The following REXO5 variants were observed in gnomAD, a reference collection of about 807,000 sequenced individuals.
REXO5 encodes exonuclease NEF-sp.
REXO5 carries 48 observed loss-of-function variants against 88.5 expected under a neutral mutation model. The observed-to-expected ratio is 0.54, with a 90% CI of 0.43 to 0.69. The LOEUF is 0.69. Ranked by LOEUF, REXO5 falls within the 30% of genes least tolerant of loss-of-function variation. The pLI, the probability that REXO5 is intolerant of heterozygous loss-of-function variation, is 0.00. For synonymous variants in REXO5, 311 were observed against 336.5 expected (o/e 0.92, Z 0.83); for missense variants, 749 against 912.2 (o/e 0.82, Z 2.30).
chr16:20,813,802 T>C (rs2081040052), intron 3 of REXO5, among the ~76,000 whole-genome samples: 2 of 152,172 alleles, frequency 1.3e-5, no homozygotes, highest in Admixed American at 6.5e-5. Flanking sequence ...CTCACAGTTA[T>C]AATCCCAGCA....
chr16:20,840,734 G>A (rs1397362446), intron 15 of REXO5, among the ~76,000 whole-genome samples: 3 of 152,140 alleles, frequency 2.0e-5, no homozygotes, highest in African/African-American at 7.2e-5. Flanking sequence ...TTGGGAGTTT[G>A]AGGAGGGAGG....
At chr16:20,806,495 G>A (rs796749258), upstream of REXO5, 4 of 1,546,434 alleles carry the variant, frequency 2.6e-6, no homozygotes, top group African/African-American at 5.5e-5. Context: ...CTTCCGGTCC[G>A]TTCAAAAAGC....
At position 20,810,067 on chromosome 16, in the gene REXO5, T is replaced by A. The variant is rs1365170080; in HGVS notation, c.138+2976T>A. Among the ~76,000 whole-genome samples the A allele has an allele frequency of 2.6e-5, 4 of 152,372 alleles. No homozygotes were observed. The East Asian group carries it at 7.7e-4, about 29-fold the overall frequency. On this transcript the variant is annotated intron_variant, in intron 2 of 19. Transcript: ENST00000261377. ...CATCATTCTTTGAGCATGTCATTAC[T>A]TTCTGGCACAAGAAGATATTCCAGG...
intron 5 of REXO5, 151 bp downstream of exon 5, chr16:20,816,363 AC>A (rs1567385495): frequency 6.5e-6 from 4 of 616,674 alleles, no homozygotes; most frequent in Non-Finnish European, 1.1e-5. Context: ...CACTCTTGTC[AC>A]CCAGGTGTGA....
chr16:20,826,811 T>G (rs1434626873), intron 8 of REXO5, among the ~76,000 whole-genome samples: 1 of 152,164 alleles, frequency 6.6e-6, no homozygotes, highest in Non-Finnish European at 1.5e-5. Flanking sequence ...TGATTACATT[T>G]TTATAAAAAT....
chr16:20,843,821 A>G, intron 15 of REXO5, 113 bp from the exon 16 acceptor site: 2 of 665,884 alleles, frequency 3.0e-6, no homozygotes, highest in Non-Finnish European at 5.3e-6. Flanking sequence ...CCAGCACAGT[A>G]AAGGCATCCA....
chr16:20,830,938 GATAA>G (rs1236516972), intron 11 of REXO5, among the ~76,000 whole-genome samples: 1 of 147,564 alleles, frequency 6.8e-6, no homozygotes, highest in African/African-American at 2.5e-5. Flanking sequence ...ATTAGTTTAA[GATAA>G]ATAAAAAGCC....
intron 15 of REXO5, among the ~76,000 whole-genome samples, chr16:20,841,493 A>G (rs2081527390): frequency 6.6e-6 from 1 of 152,254 alleles, no homozygotes; most frequent in Non-Finnish European, 1.5e-5. Flanking sequence ...ATTCGGAACT[A>G]GGTAACTATT....
intron 2 of REXO5, 190 bp downstream of exon 2, chr16:20,807,281 A>G: frequency 1.5e-6 from 1 of 687,320 alleles, no homozygotes; most frequent in East Asian, 2.8e-5. Context: ...ATTGGCTGTC[A>G]CTGGGATAGT....
intron 11 of REXO5, 61 bp downstream of exon 11, chr16:20,828,598 T>A (rs1170520915): frequency 1.9e-5 from 22 of 1,135,360 alleles, no homozygotes; most frequent in Non-Finnish European, 2.9e-5. Context: ...GATCAGATTA[T>A]CACAGACTAC....
chr16:20,816,245 C>T lies in REXO5; in HGVS notation c.475+33C>T, dbSNP rs376101689. The T allele has an allele frequency of 1.1e-5, 16 of 1,520,180 alleles. No homozygotes were observed. In the African/African-American group the frequency reaches 1.8e-4, roughly 17 times the overall value. The allele number at this position is 1,520,180 out of a possible 1,614,324, so 94.2% of individuals were successfully genotyped here. ...TATGATGCTGGTTTGATGCTTTGCT[C>T]ACTCTAAAAGATACGGATATGATTG... On this transcript the variant is annotated intron_variant, in intron 5 of 19. Coordinates refer to ENST00000261377, the MANE Select transcript of REXO5 (RefSeq NM_030941.3).
chr16:20,821,388 G>A (rs576270210), intron 5 of REXO5, among the ~76,000 whole-genome samples: 3 of 152,138 alleles, frequency 2.0e-5, no homozygotes, highest in Non-Finnish European at 2.9e-5. Context: ...TCGGGTTCAC[G>A]CCATTCTGCC....
At chr16:20,831,558 T>G (rs1265846435) in intron 11 of REXO5, among the ~76,000 whole-genome samples, 3 of 152,190 alleles carry the variant, frequency 2.0e-5, no homozygotes, top group Non-Finnish European at 4.4e-5. Flanking sequence ...TGTACTATTT[T>G]CATAATTTTT....
chr16:20,845,006 C>T, intron 17 of REXO5, 48 bp from the exon 18 acceptor site: 1 of 1,591,932 alleles, frequency 6.3e-7, no homozygotes, highest in Non-Finnish European at 8.6e-7. Context: ...GGATGGTGAT[C>T]AGCTTTCTTG....
At chr16:20,820,512 T>TATATATATATA (rs2081153446) in intron 5 of REXO5, among the ~76,000 whole-genome samples, 2 of 45,700 alleles carry the variant, frequency 4.4e-5, no homozygotes, top group African/African-American at 2.0e-4. Context: ...TTCTCTCTCT[T>TATATATATATA]TATATATATA....
chr16:20,846,664 C>T (rs1452575390), intron 19 of REXO5, among the ~76,000 whole-genome samples: 1 of 152,196 alleles, frequency 6.6e-6, no homozygotes, highest in Non-Finnish European at 1.5e-5. Context: ...AAGCCCTAGG[C>T]TTAGGTGTAA....
intron 16 of REXO5, 41 bp downstream of exon 16, chr16:20,844,067 C>T (rs988392056): frequency 3.0e-5 from 35 of 1,181,872 alleles, no homozygotes; most frequent in Non-Finnish European, 4.3e-5. Context: ...TGGGTCTGGC[C>T]TACCACAGCC....
chr16:20,846,359 T>A lies in REXO5; in HGVS notation c.2243+20T>A. The A allele has an allele frequency of 1.3e-6, 2 of 1,573,704 alleles. No homozygotes were observed. Among genetic ancestry groups the A allele is most frequent in the Non-Finnish European group, 1.7e-6 (2 of 1,143,348 alleles). The stretch of plus-strand genomic sequence containing the variant: ...CAAGAGGTAAGGACTAGAAAGGGTA[T>A]CCCTTCAGGACTCTGTCCCCTGGAT... On this transcript the variant is annotated intron_variant, in intron 19 of 19. Transcript: ENST00000261377.
At chr16:20,806,505 C>A (rs1275117388), upstream of REXO5, 4 of 1,544,014 alleles carry the variant, frequency 2.6e-6, no homozygotes, top group African/African-American at 1.4e-5. Context: ...GTTCAAAAAG[C>A]CCGCGAGGCT....
Sources: gnomAD v4.1 joint callset for allele counts (sites outside exome capture counted in the v4.1 genomes callset) on GRCh38, gnomAD v4.1.1 for gene constraint, MANE v1.5 for transcripts, NCBI Gene and HGNC (gene_info 2026-07-23, HGNC 2026-07-21) for gene names.